CARHSP1: variants seen among roughly 807,000 people sequenced by gnomAD.
The protein encoded by CARHSP1 is calcium-regulated heat-stable protein 1.
Under a neutral mutation model 12.5 loss-of-function variants are expected in CARHSP1, and 14 were observed. That is an observed-to-expected ratio of 1.12 (90% CI 0.74 to 1.75). CARHSP1 has a LOEUF of 1.75. Among genes scored for constraint, CARHSP1 ranks in the 40% most tolerant of loss-of-function variants. The pLI is 0.00. For synonymous variants in CARHSP1, 161 were observed against 82.0 expected, an observed-to-expected ratio of 1.96 and a Z score of -5.20; for missense variants, 343 against 201.6, an observed-to-expected ratio of 1.70 and a Z score of -4.25.
At position 8,865,860 on chromosome 16, in the gene CARHSP1, C is replaced by T. The variant is rs541021875; in HGVS notation, c.-8+3106G>A. On this transcript the variant is annotated intron_variant, in intron 1 of 3. Coordinates refer to ENST00000311052, the MANE Select transcript of CARHSP1 (RefSeq NM_014316.4). ...GCACAGAGTTAAGCCAGTGATTCTA[C>T]TTCCTACTTTAATGCAGTCAGGAAT... 2.6e-5 allele frequency among the ~76,000 whole-genome samples: 4 copies of T among 152,362 alleles called. No individual in the cohort carries two copies. The East Asian group carries it at 5.8e-4, about 22-fold the overall frequency.
rs148016053 is a variant in CARHSP1 at position 8,866,067 on chromosome 16, C to G, written c.-8+2899G>C. Among the ~76,000 whole-genome samples the G allele has an allele frequency of 1.4e-4, 21 of 152,280 alleles. No individual in the cohort carries two copies. The East Asian group carries it at 4.0e-3, about 29-fold the overall frequency. On this transcript the variant is annotated intron_variant, in intron 1 of 3. Transcript: ENST00000311052. ...CTCCTGGGCTCAAGGGATCCTCTCA[C>G]TTCAGCCTCCCAAGTAGCTGGGACT...
At chr16:8,855,659 C>T (rs554166113) in intron 3 of CARHSP1, among the ~76,000 whole-genome samples, 1 of 150,924 alleles carries the variant, frequency 6.6e-6, no homozygotes, top group South Asian at 2.1e-4. Flanking sequence ...TAAAGACAGC[C>T]AGTCCAAGCC....
At position 8,853,813 on chromosome 16, in the gene CARHSP1, C is replaced by T. The variant is rs1303838695; in HGVS notation, c.*1351G>A. On this transcript the variant is annotated 3_prime_UTR_variant, in exon 4 of 4. Transcript: ENST00000311052. ...TACAAAAAAGTTTGCAGGCCGGGCG[C>T]GATGGCTCACACTTGTAATCCCAGC... is the stretch of plus-strand genomic sequence containing the variant. 3 of 152,202 alleles carry T rather than the reference C, an allele frequency of 2.0e-5. No homozygotes were observed. The highest frequency in any genetic ancestry group is 4.4e-5 in the Non-Finnish European group (3 of 68,046). The allele number at this position is 152,202 out of a possible 1,614,324, so 9.4% of individuals were successfully genotyped here.
chr16:8,864,918 A>C (rs769705511), intron 1 of CARHSP1, among the ~76,000 whole-genome samples: 4 of 152,116 alleles, frequency 2.6e-5, no homozygotes, highest in Non-Finnish European at 5.9e-5. Flanking sequence ...GCCTGCCCGC[A>C]TGTCTGGAGA....
intron 3 of CARHSP1, among the ~76,000 whole-genome samples, chr16:8,856,722 C>T (rs991561782): frequency 2.0e-5 from 3 of 152,160 alleles, no homozygotes; most frequent in South Asian, 2.1e-4. Flanking sequence ...CAGAGTAGGA[C>T]TCTGTCTGCC....
At chr16:8,858,757 T>C in intron 2 of CARHSP1, 1 of 462,328 alleles carries the variant, frequency 2.2e-6, no homozygotes, top group East Asian at 3.6e-5. Flanking sequence ...CAGAAACTAA[T>C]GATTTACTAT....
chr16:8,859,354 G>GA lies in CARHSP1; in HGVS notation c.-7-20_-7-19insT. 6.3e-7 allele frequency: 1 copy of GA among 1,592,766 alleles called. No homozygotes were observed. Among genetic ancestry groups the GA allele is most frequent in the East Asian group, 2.2e-5 (1 of 44,490 alleles). Reference sequence around the variant, plus strand: ...GGCTGACCTGGAAAGAGAAGAGGCTGTCAGGGGCTCGTGCCTTGCAAGGTA... The same window carrying GA: ...GGCTGACCTGGAAAGAGAAGAGGCTGATCAGGGGCTCGTGCCTTGCAAGGTA... On this transcript the variant is annotated intron_variant, in intron 1 of 3. Coordinates refer to ENST00000311052, the MANE Select transcript of CARHSP1 (RefSeq NM_014316.4).
At chr16:8,860,473 C>T (rs1390622312) in intron 1 of CARHSP1, 2 of 985,416 alleles carry the variant, frequency 2.0e-6, no homozygotes, top group Non-Finnish European at 2.4e-6. Context: ...GGTGTCGGCT[C>T]TAACGTGGCC....
chr16:8,862,312 A>G (rs564990312), intron 1 of CARHSP1, among the ~76,000 whole-genome samples: 3 of 152,038 alleles, frequency 2.0e-5, no homozygotes, highest in Non-Finnish European at 2.9e-5. Flanking sequence ...GCTGAACTGA[A>G]AACAAAATAA....
rs534896049 is a variant in CARHSP1 at position 8,861,764 on chromosome 16, C to T, written c.-7-2429G>A. 7.5e-5 allele frequency: 96 copies of T among 1,281,204 alleles called. No homozygotes were observed. In the South Asian group the frequency reaches 1.1e-3, roughly 15 times the overall value. The allele number at this position is 1,281,204 out of a possible 1,614,324, so 79.4% of individuals were successfully genotyped here. On this transcript the variant is annotated intron_variant, in intron 1 of 3. Coordinates refer to ENST00000311052, the MANE Select transcript of CARHSP1 (RefSeq NM_014316.4). ...AGGCCCCAGCTGCTGGCCTGGGGGC[C>T]AGGGCCCCCGCATGACCTACCAGCA...
In CARHSP1 at chr16:8,859,274, C is replaced by G; in HGVS notation, c.55G>C (p.Gly19Arg). 3 of 1,600,988 alleles carry G rather than the reference C, an allele frequency of 1.9e-6. No individual in the cohort carries two copies. The highest frequency in any genetic ancestry group is 2.2e-5 in the East Asian group (1 of 44,578). ...CGGCTCCGAGGGGTGTCCAGCAGCC[C>G]GACTGAAGCTTGATGGGTGGGGGGC... The part of the protein sequence containing the change: ...PQPPTHQASV[G>R]LLDTPRSRER... The change falls in exon 2 of 4, where the codon GGG becomes CGG. Residue 19 changes from glycine (G) to arginine (R), a missense_variant. By Grantham distance (125) the Gly-to-Arg change is moderately radical. Coordinates refer to ENST00000311052, the MANE Select transcript of CARHSP1 (RefSeq NM_014316.4).
intron 3 of CARHSP1, among the ~76,000 whole-genome samples, chr16:8,857,263 G>GTTGTTTTTTTTTT (rs2061150197): frequency 1.8e-5 from 1 of 57,006 alleles, no homozygotes; most frequent in Non-Finnish European, 3.7e-5. Context: ...GGGCAGATCT[G>GTTGTTTTTTTTTT]TTTTTTTTTT....
intron 1 of CARHSP1, chr16:8,867,877 T>C (rs2061476253): frequency 1.3e-5 from 2 of 152,324 alleles, no homozygotes; most frequent in South Asian, 4.1e-4. Flanking sequence ...GTTGGGGACT[T>C]AGACGACAAT....
chr16:8,860,516 C>T (rs899374831), intron 1 of CARHSP1: 74 of 985,284 alleles, frequency 7.5e-5, no homozygotes, highest in Non-Finnish European at 8.8e-5. Context: ...GAGAAACAGT[C>T]CAGCAGTCAG....
At chr16:8,861,020 A>C (rs1030465636) in intron 1 of CARHSP1, among the ~76,000 whole-genome samples, 2 of 149,786 alleles carry the variant, frequency 1.3e-5, no homozygotes, top group African/African-American at 4.9e-5. Context: ...ACAGCACTCC[A>C]GCCTGGGTGA....
intron 2 of CARHSP1, 30 bp from the exon 3 acceptor site, chr16:8,858,502 C>G (rs376549818): frequency 6.2e-7 from 1 of 1,609,510 alleles, no homozygotes; most frequent in African/African-American, 1.3e-5. Flanking sequence ...GTCAGGGGCC[C>G]CATCAGCGCT....
intron 3 of CARHSP1, among the ~76,000 whole-genome samples, chr16:8,856,422 C>G (rs1443959649): frequency 1.3e-5 from 2 of 152,216 alleles, no homozygotes; most frequent in Non-Finnish European, 2.9e-5. Context: ...AGCCTACTTC[C>G]AGCAGCAGAA....
At chr16:8,868,925 C>T (rs1567192951) in intron 1 of CARHSP1, 41 bp downstream of exon 1, 2 of 152,152 alleles carry the variant, frequency 1.3e-5, no homozygotes, top group Non-Finnish European at 2.9e-5. Context: ...GGCCGCGGGC[C>T]AGGGGCGCCT....
intron 1 of CARHSP1, among the ~76,000 whole-genome samples, chr16:8,864,918 A>G (rs769705511): frequency 6.6e-6 from 1 of 152,116 alleles, no homozygotes; most frequent in Non-Finnish European, 1.5e-5. Flanking sequence ...GCCTGCCCGC[A>G]TGTCTGGAGA....
Sources: allele counts gnomAD v4.1 joint callset (sites outside exome capture counted in the v4.1 genomes callset), GRCh38; gene constraint gnomAD v4.1.1; transcripts MANE v1.5; gene names NCBI Gene and HGNC (gene_info 2026-07-23, HGNC 2026-07-21).